Variants in GPSM2 observed in about 807,000 individuals in gnomAD.
The protein encoded by GPSM2 is G protein-signaling modulator 2.
A neutral mutation model predicts 78.4 loss-of-function variants in GPSM2; 58 were observed. The observed-to-expected ratio is 0.74, with a 90% confidence interval of 0.60 to 0.92. The LOEUF (loss-of-function observed/expected upper bound fraction) is 0.92, where lower values mean the gene tolerates loss of function less well. Among genes scored for constraint, GPSM2 ranks in the 40% least tolerant of loss-of-function variants. The pLI, the probability that GPSM2 is intolerant of heterozygous loss-of-function variation, is 0.00. For missense variants in GPSM2, 700 were observed against 815.5 expected, an observed-to-expected ratio of 0.86 and a Z score of 1.73; for synonymous variants, 224 against 280.2, an observed-to-expected ratio of 0.80 and a Z score of 2.00.
rs1651919316 is a variant in GPSM2 at position 108,931,325 on chromosome 1, G to A, written c.*1385G>A. ...TTCCTTATCCCAGATATTGAAGGCA[G>A]TTTACAAGGGGATGATAACAAAGTA... On this transcript the variant is annotated 3_prime_UTR_variant, in exon 15 of 15. Coordinates refer to ENST00000264126, the MANE Select transcript of GPSM2 (RefSeq NM_013296.5). 2 of 1,549,488 alleles carry A rather than the reference G, an allele frequency of 1.3e-6. No homozygotes were observed. Among genetic ancestry groups the A allele is most frequent in the Non-Finnish European group, 1.7e-6 (2 of 1,146,238 alleles).
At chr1:108,894,526 T>C (rs1376284199) in intron 2 of GPSM2, among the ~76,000 whole-genome samples, 1 of 152,148 alleles carries the variant, frequency 6.6e-6, no homozygotes, top group African/African-American at 2.4e-5. Context: ...GGCAAAACCC[T>C]GTCTCTACTA....
At chr1:108,914,435 T>C (rs1650018330) in intron 11 of GPSM2, 27 bp downstream of exon 11, 1 of 1,380,420 alleles carries the variant, frequency 7.2e-7, no homozygotes, top group African/African-American at 1.4e-5. Context: ...ATGTTTTAAA[T>C]TTCATGAACT....
chr1:108,904,206 A>G lies in GPSM2; in HGVS notation c.1144A>G (p.Asn382Asp), dbSNP rs749015546. The G allele has an allele frequency of 1.9e-6, 3 of 1,601,898 alleles. No homozygotes were observed. Among genetic ancestry groups the G allele is most frequent in the Non-Finnish European group, 2.6e-6 (3 of 1,169,562 alleles). Residue 382 changes from asparagine to aspartate, a missense_variant, in exon 10 of 15, where the codon AAT becomes GAT. Physicochemically the swap from Asn to Asp is conservative, Grantham distance 23. Coordinates refer to ENST00000264126, the MANE Select transcript of GPSM2 (RefSeq NM_013296.5). The stretch of plus-strand genomic sequence containing the variant: ...GGTTCTTGGTCTGAGCTACAGCACA[A>G]ATAACTCCATAATGTCTGAAAATAC... ...QMVLGLSYST[N>D]NSIMSENTEI... is the part of the protein sequence containing the mutation.
At chr1:108,927,939 G>A (rs1203660441) in intron 14 of GPSM2, among the ~76,000 whole-genome samples, 3 of 152,092 alleles carry the variant, frequency 2.0e-5, no homozygotes, top group African/African-American at 7.2e-5. Flanking sequence ...CTCCAGCTTA[G>A]GCCACAGAGT....
chr1:108,902,983 TATC>T, intron 8 of GPSM2, 140 bp from the exon 9 acceptor site: 1 of 646,354 alleles, frequency 1.5e-6, no homozygotes. Context: ...ATGTCTATAA[TATC>T]ATGATAGTAT....
rs142353979 is a variant in GPSM2, at chr1:108,918,770, G to A, written c.1421G>A (p.Arg474Gln). 6.8e-6 allele frequency: 11 copies of A among 1,612,888 alleles called. No individual in the cohort carries two copies. The highest frequency in any genetic ancestry group is 2.2e-5 in the East Asian group (1 of 44,858). Residue 474 changes from arginine to glutamine, a missense_variant, in exon 12 of 15, where the codon CGA becomes CAA. Transcript: ENST00000264126. ...GATGCCAGTAATTCTATTGACCACC[G>A]AATTCCAAATTCTCAGAGGGTACGT... The part of the protein sequence containing the change: ...LQDASNSIDH[R>Q]IPNSQRKISA...
At chr1:108,892,442 C>T (rs1648038401) in intron 2 of GPSM2, among the ~76,000 whole-genome samples, 1 of 152,112 alleles carries the variant, frequency 6.6e-6, no homozygotes, top group African/African-American at 2.4e-5. Context: ...ATGAGAAATT[C>T]TAGCTAAAAT....
intron 14 of GPSM2, among the ~76,000 whole-genome samples, chr1:108,929,302 A>G (rs992893006): frequency 2.6e-5 from 4 of 152,208 alleles, no homozygotes; most frequent in Non-Finnish European, 5.9e-5. Context: ...GGGTTTGTAC[A>G]TATTTCTAAA....
intron 2 of GPSM2, among the ~76,000 whole-genome samples, chr1:108,890,393 T>C (rs956848848): frequency 1.3e-5 from 2 of 152,244 alleles, no homozygotes; most frequent in Non-Finnish European, 2.9e-5. Flanking sequence ...AGGAATGGCT[T>C]GTACCTCTGC....
chr1:108,917,611 C>CACACACATATATAT (rs1312607573), intron 11 of GPSM2, among the ~76,000 whole-genome samples: 19 of 22,688 alleles, frequency 8.4e-4, no homozygotes, highest in Admixed American at 1.9e-3. Context: ...CACACACACA[C>CACACACATATATAT]ATATATATAT....
rs931732275 is a variant in GPSM2 at position 108,934,461 on chromosome 1, G to A, written c.*4521G>A. ...TACTTTATGGGATGTAAATATCAAAGAGAAGATGAAATGAAAAGCTTTTAC... is the reference window on the plus strand; with the variant it reads ...TACTTTATGGGATGTAAATATCAAAAAGAAGATGAAATGAAAAGCTTTTAC... On this transcript the variant is annotated 3_prime_UTR_variant, in exon 15 of 15. Transcript: ENST00000264126. The A allele has an allele frequency of 3.7e-6, 2 of 538,296 alleles. No individual in the cohort carries two copies. The highest frequency in any genetic ancestry group is 6.4e-6 in the Non-Finnish European group (2 of 312,938). 33.3% of individuals were successfully genotyped at this position (538,296 alleles called of 1,614,324 possible). A position where few individuals can be genotyped will look rare whatever the true frequency, so the allele number is the denominator to read the frequency against.
intron 2 of GPSM2, among the ~76,000 whole-genome samples, chr1:108,887,514 C>T (rs556661251): frequency 2.0e-5 from 3 of 152,342 alleles, no homozygotes; most frequent in African/African-American, 4.8e-5. Context: ...ATCACACCTT[C>T]GATTCCCCAA....
At chr1:108,924,352 T>C in intron 14 of GPSM2, 138 bp downstream of exon 14, 1 of 719,230 alleles carries the variant, frequency 1.4e-6, no homozygotes, top group Non-Finnish European at 2.5e-6. Flanking sequence ...AAAAAATTAT[T>C]GAACACCGAT....
chr1:108,929,292 G>A (rs1187731681), intron 14 of GPSM2, among the ~76,000 whole-genome samples: 1 of 152,050 alleles, frequency 6.6e-6, no homozygotes, highest in East Asian at 1.9e-4. Context: ...GTTCCTCATG[G>A]GGTTTGTACA....
Position 108,922,443 on chromosome 1 carries a change from T to A in GPSM2, c.1467T>A (p.Asp489Glu), listed in dbSNP as rs745967974. ...AAATCAGTGCAGATACTATTGGAGA[T>A]GAAGGGTTCTTTGACTTATTAAGCC... ...QRKISADTIG[D>E]EGFFDLLSRF... is the part of the protein sequence containing the mutation. Residue 489 changes from aspartate (D) to glutamate (E), a missense_variant, in exon 13 of 15, where the codon GAT becomes GAA. Physicochemically the swap from Asp to Glu is conservative, Grantham distance 45. Transcript: ENST00000264126. 1 of 1,611,804 alleles carries A rather than the reference T, an allele frequency of 6.2e-7. No individual in the cohort carries two copies. Among genetic ancestry groups the A allele is most frequent in the Admixed American group, 1.7e-5 (1 of 60,018 alleles).
intron 12 of GPSM2, among the ~76,000 whole-genome samples, chr1:108,919,887 C>A (rs1257928160): frequency 6.6e-6 from 1 of 152,058 alleles, no homozygotes. Flanking sequence ...ATTTATCTGC[C>A]GGGTGCAGTG....
chr1:108,885,671 C>G lies in GPSM2; in HGVS notation c.56+93C>G, dbSNP rs957923662. On this transcript the variant is annotated intron_variant, in intron 2 of 14. Coordinates refer to ENST00000264126, the MANE Select transcript of GPSM2 (RefSeq NM_013296.5). ...CCATTTCAAGTTTCAGTTGAAAATACTCAAATATACCAGCCATAGTATTGT... is the reference window on the plus strand; with the variant it reads ...CCATTTCAAGTTTCAGTTGAAAATAGTCAAATATACCAGCCATAGTATTGT... 3.7e-6 allele frequency: 3 copies of G among 800,028 alleles called. No individual in the cohort carries two copies. In the African/African-American group the frequency reaches 5.1e-5, roughly 14 times the overall value. The allele number at this position is 800,028 out of a possible 1,614,324, so 49.6% of individuals were successfully genotyped here.
chr1:108,917,611 C>CATATATATATATAT lies in GPSM2; in HGVS notation c.1264-960_1264-947dup, dbSNP rs55909258. ...ACAAATGTATACACACACACACACA[C>CATATATATATATAT]ATATATATATATATATATATATATA... is the stretch of plus-strand genomic sequence containing the variant. On this transcript the variant is annotated intron_variant, in intron 11 of 14. Transcript: ENST00000264126. Among the ~76,000 whole-genome samples the CATATATATATATAT allele has an allele frequency of 3.8e-3, 86 of 22,526 alleles. 3 individuals are homozygous for CATATATATATATAT. Among genetic ancestry groups the CATATATATATATAT allele is most frequent in the Non-Finnish European group, 4.7e-3 (60 of 12,640 alleles). 14.8% of individuals were successfully genotyped at this position (22,526 alleles called of 152,430 possible). A position where few individuals can be genotyped will look rare whatever the true frequency, so the allele number is the denominator to read the frequency against.
intron 4 of GPSM2, 65 bp downstream of exon 4, chr1:108,897,692 TATTTA>T: frequency 7.5e-7 from 1 of 1,334,378 alleles, no homozygotes; most frequent in Non-Finnish European, 1.1e-6. Flanking sequence ...ATTTTAATAC[TATTTA>T]ATTATTCTAT....
Sources: allele counts gnomAD v4.1 joint callset (sites outside exome capture counted in the v4.1 genomes callset), GRCh38; gene constraint gnomAD v4.1.1; transcripts MANE v1.5; gene names NCBI Gene and HGNC (gene_info 2026-07-23, HGNC 2026-07-21).